HOXB6: variants seen among roughly 807,000 people sequenced by gnomAD.
HOXB6 encodes the protein homeobox B6.
In HOXB6, 18 loss-of-function variants were observed where a neutral mutation model predicts 24.2. The observed-to-expected ratio is 0.74, with a 90% CI of 0.51 to 1.10. The LOEUF (loss-of-function observed/expected upper bound fraction) is 1.10. Ranked by LOEUF, HOXB6 falls within the 50% of genes least tolerant of loss-of-function variation. The pLI is 0.00. For missense variants in HOXB6, 332 were observed against 308.3 expected (o/e 1.08, Z -0.58); for synonymous variants, 159 against 139.1 (o/e 1.14, Z -1.01).
intron 2 of HOXB6, chr17:48,600,434 C>T: frequency 2.2e-6 from 1 of 455,502 alleles, no homozygotes; most frequent in Non-Finnish European, 4.4e-6. Context: ...CCAAATTAAC[C>T]TCACCTCTGC....
intron 2 of HOXB6, chr17:48,600,681 C>G (rs1388721131): frequency 2.6e-6 from 1 of 379,650 alleles, no homozygotes; most frequent in African/African-American, 2.1e-5. Context: ...CGCCCTCTGT[C>G]TGTCTCCTTG....
chr17:48,597,000 C>T lies in HOXB6; in HGVS notation c.416-328G>A. The T allele has an allele frequency of 8.3e-7, 1 of 1,201,868 alleles. No homozygotes were observed. Among genetic ancestry groups the T allele is most frequent in the Non-Finnish European group, 1.1e-6 (1 of 939,070 alleles). 74.5% of individuals were successfully genotyped at this position (1,201,868 alleles called of 1,614,324 possible). ...TTCCATCCATCTTGTTCCCACCCCC[C>T]GTCATCCCCCCAACCCAATGATAAA... is the stretch of plus-strand genomic sequence containing the variant. On this transcript the variant is annotated intron_variant, in intron 3 of 3. Coordinates refer to ENST00000225648, the MANE Select transcript of HOXB6 (RefSeq NM_018952.5). The surrounding 1 kb of genome is among the most constrained non-coding windows in gnomAD (Gnocchi z 4.8).
In HOXB6 at chr17:48,598,109, C is replaced by G. The variant is rs1431835239; in HGVS notation, c.42G>C (p.Leu14=). 2 of 1,597,544 alleles carry G rather than the reference C, an allele frequency of 1.3e-6. No individual in the cohort carries two copies. The highest frequency in any genetic ancestry group is 1.7e-6 in the Non-Finnish European group (2 of 1,168,476). Residue 14 remains leucine (L), a synonymous_variant, in exon 3 of 4, where the codon CTG becomes CTC. Transcript: ENST00000225648. ...CCAGGAAGGACTCCTGCCCGCTGGC[C>G]AGAGTGACGGGGAAGGTGGAGTTCA... ...YFVNSTFPVT[L]ASGQESFLGQ... is the part of the protein sequence containing the mutation.
At position 48,597,812 on chromosome 17, in the gene HOXB6, G is replaced by A. The variant is rs772912870; in HGVS notation, c.339C>T (p.Ser113=). Residue 113 remains serine (S), a synonymous_variant, in exon 3 of 4, where the codon AGC becomes AGT. Coordinates refer to ENST00000225648, the MANE Select transcript of HOXB6 (RefSeq NM_018952.5). ...TCTGCTCTTCTGTCTCGCCGAACAC[G>A]CTCTTGTCCTGCGCGCAGTCCGACT... is the stretch of plus-strand genomic sequence containing the variant. The part of the protein sequence containing the change: ...PRKSDCAQDK[S]VFGETEEQKC... 9 of 1,608,866 alleles carry A rather than the reference G, an allele frequency of 5.6e-6. No homozygotes were observed. The South Asian group carries it at 1.0e-4, about 18-fold the overall frequency.
chr17:48,598,001 G>T lies in HOXB6; in HGVS notation c.150C>A (p.Asp50Glu). ...AATAGGAGGAAGTGGCAAAGCCCTT[G>T]TCCTGGCCCGGCCCTGGCCCGTAGG... ...PAPYGPGPGQDKGFATSSYYP... is the reference protein window; with the variant it reads ...PAPYGPGPGQEKGFATSSYYP... The change falls in exon 3 of 4, where the codon GAC becomes GAA. Residue 50 changes from aspartate to glutamate, a missense_variant. Physicochemically the swap from Asp to Glu is conservative, Grantham distance 45. Coordinates refer to ENST00000225648, the MANE Select transcript of HOXB6 (RefSeq NM_018952.5). The T allele has an allele frequency of 6.3e-7, 1 of 1,594,376 alleles. No individual in the cohort carries two copies. Among genetic ancestry groups the T allele is most frequent in the Non-Finnish European group, 8.5e-7 (1 of 1,170,778 alleles).
intron 2 of HOXB6, chr17:48,600,503 A>G (rs2070433739): frequency 2.2e-6 from 1 of 455,788 alleles, no homozygotes; most frequent in African/African-American, 2.0e-5. Context: ...GGAGTCGGGC[A>G]TGAAAGAAAA....
At chr17:48,602,244 G>GAC (rs2070485698) in intron 2 of HOXB6, 1 of 455,988 alleles carries the variant, frequency 2.2e-6, no homozygotes, top group Non-Finnish European at 4.4e-6. Flanking sequence ...TTTGTCTTTT[G>GAC]ACAACCGAGT....
rs760703688 is a variant in HOXB6, at chr17:48,596,468, A to G, written c.620T>C (p.Leu207Pro). ...GGCACTGAGCTGAGACGCGCTGAGC[A>G]GTTTGCTCTCCTTTTTCCACTTCAT... Reference protein sequence around the residue: ...RRMKWKKESKLLSASQLSAEE... With the variant: ...RRMKWKKESKPLSASQLSAEE... The change falls in exon 4 of 4, where the codon CTG (leucine) becomes CCG (proline). Residue 207 changes from leucine to proline, a missense_variant. Physicochemically the swap from Leu to Pro is moderately conservative, Grantham distance 98 (BLOSUM62 -3). Coordinates refer to ENST00000225648, the MANE Select transcript of HOXB6 (RefSeq NM_018952.5). The surrounding 1 kb of genome is among the most constrained non-coding windows in gnomAD (Gnocchi z 4.8). 2 of 1,614,170 alleles carry G rather than the reference A, an allele frequency of 1.2e-6. No individual in the cohort carries two copies. Among genetic ancestry groups the G allele is most frequent in the South Asian group, 1.1e-5 (1 of 91,078 alleles).
At chr17:48,604,694 G>A (rs1390407406) in intron 1 of HOXB6, 79 bp from the exon 2 acceptor site, 1 of 152,112 alleles carries the variant, frequency 6.6e-6, no homozygotes, top group African/African-American at 2.4e-5. Context: ...AATAGTATCG[G>A]GCTGCAGTCC....
chr17:48,597,969 G>A lies in HOXB6; in HGVS notation c.182C>T (p.Pro61Leu), dbSNP rs1247588765. 1.3e-6 allele frequency: 2 copies of A among 1,582,660 alleles called. No homozygotes were observed. Among genetic ancestry groups the A allele is most frequent in the African/African-American group, 1.3e-5 (1 of 74,298 alleles). The stretch of plus-strand genomic sequence containing the variant: ...CGCTCGGCCGTAGCCACCGCCCGCC[G>A]GCGGGTAATAGGAGGAAGTGGCAAA... ...KGFATSSYYP[P>L]AGGGYGRAAP... The change falls in exon 3 of 4, where the codon CCG (proline) becomes CTG (leucine). Residue 61 changes from proline to leucine, a missense_variant. By Grantham distance (98) the Pro-to-Leu change is moderately conservative (BLOSUM62 -3). Transcript: ENST00000225648.
At chr17:48,603,047 C>A (rs961289773) in intron 2 of HOXB6, among the ~76,000 whole-genome samples, 5 of 152,244 alleles carry the variant, frequency 3.3e-5, no homozygotes, top group African/African-American at 4.8e-5. Flanking sequence ...TAGCTTAGGA[C>A]TGAGATAATA....
At chr17:48,601,960 G>A in intron 2 of HOXB6, 1 of 384,878 alleles carries the variant, frequency 2.6e-6, no homozygotes, top group South Asian at 1.9e-5. Context: ...CTCTTGGGAA[G>A]GAGGTCGAGT....
In HOXB6 at chr17:48,604,501, T is replaced by A. The variant is rs2070539013; in HGVS notation, c.-100A>T. On this transcript the variant is annotated 5_prime_UTR_variant, in exon 2 of 4. Coordinates refer to ENST00000225648, the MANE Select transcript of HOXB6 (RefSeq NM_018952.5). The stretch of plus-strand genomic sequence containing the variant: ...TTACCTTTGCAGACCTTGGGATTTT[T>A]TCCCCCTCCGGATTTAAAGGAATGG... The A allele has an allele frequency of 6.6e-6, 1 of 152,604 alleles. No individual in the cohort carries two copies. 9.5% of individuals were successfully genotyped at this position (152,604 alleles called of 1,614,324 possible). A position where few individuals can be genotyped will look rare whatever the true frequency, so the allele number is the denominator to read the frequency against.
In HOXB6 at chr17:48,596,640, G is replaced by T; in HGVS notation, c.448C>A (p.Arg150Ser). ...SSFGPSGRRGRQTYTRYQTLE... is the reference protein window; with the variant it reads ...SSFGPSGRRGSQTYTRYQTLE... The stretch of plus-strand genomic sequence containing the variant: ...GTCTGGTAACGTGTGTATGTCTGGC[G>T]GCCTCGCCGGCCGCTGGGCCCAAAG... Residue 150 changes from arginine (R) to serine (S), a missense_variant, in exon 4 of 4, where the codon CGC (arginine) becomes AGC (serine). Arg to Ser is a moderately radical substitution (Grantham distance 110, BLOSUM62 -1). Coordinates refer to ENST00000225648, the MANE Select transcript of HOXB6 (RefSeq NM_018952.5). This position sits in a 1 kb window ranked among gnomAD's most constrained non-coding sequence, Gnocchi z 4.8. 1.2e-6 allele frequency: 2 copies of T among 1,613,790 alleles called. No individual in the cohort carries two copies. The highest frequency in any genetic ancestry group is 1.7e-6 in the Non-Finnish European group (2 of 1,180,046).
intron 2 of HOXB6, among the ~76,000 whole-genome samples, chr17:48,599,363 A>C (rs1303192321): frequency 6.6e-6 from 1 of 152,212 alleles, no homozygotes; most frequent in Non-Finnish European, 1.5e-5. Context: ...GTCAGAGACC[A>C]CTGGGAAGAA....
At chr17:48,597,004 A>AG in intron 3 of HOXB6, 1 of 579,566 alleles carries the variant, frequency 1.7e-6, no homozygotes, top group Non-Finnish European at 2.5e-6. Context: ...ACCCCCCGTC[A>AG]TCCCCCCAAC....
rs765066185 is a variant in HOXB6, at chr17:48,596,632, T to C, written c.456A>G (p.Thr152=). Residue 152 remains threonine (T), a synonymous_variant, in exon 4 of 4, where the codon ACA becomes ACG. Transcript: ENST00000225648. This position sits in a 1 kb window ranked among gnomAD's most constrained non-coding sequence, Gnocchi z 4.8. ...FGPSGRRGRQ[T]YTRYQTLELE... ...GCTCCAGCGTCTGGTAACGTGTGTA[T>C]GTCTGGCGGCCTCGCCGGCCGCTGG... is the stretch of plus-strand genomic sequence containing the variant. The C allele has an allele frequency of 2.5e-6, 4 of 1,614,008 alleles. No homozygotes were observed. The highest frequency in any genetic ancestry group is 3.4e-6 in the Non-Finnish European group (4 of 1,180,032).
intron 2 of HOXB6, among the ~76,000 whole-genome samples, chr17:48,599,107 C>CT (rs1377320418): frequency 1.3e-5 from 2 of 152,224 alleles, no homozygotes; most frequent in Non-Finnish European, 2.9e-5. Context: ...GGGACTAGCC[C>CT]TCTCCTCACT....
intron 2 of HOXB6, chr17:48,600,436 C>T (rs1357637792): frequency 2.2e-6 from 1 of 455,734 alleles, no homozygotes; most frequent in South Asian, 1.6e-5. Flanking sequence ...AAATTAACCT[C>T]ACCTCTGCAG....
Sources: gnomAD v4.1 joint callset for allele counts (sites outside exome capture counted in the v4.1 genomes callset) on GRCh38, gnomAD v4.1.1 for gene constraint, Gnocchi (gnomAD v3.1) non-coding constraint, MANE v1.5 for transcripts, NCBI Gene and HGNC (gene_info 2026-07-23, HGNC 2026-07-21) for gene names.